OPCML: variants seen among roughly 807,000 people sequenced by gnomAD.
OPCML encodes the protein opioid binding protein/cell adhesion molecule like.
A neutral mutation model predicts 37.8 loss-of-function variants in OPCML; 13 were observed. The ratio of observed to expected loss-of-function variants is 0.34; its 90% CI spans 0.22 to 0.55. The LOEUF (loss-of-function observed/expected upper bound fraction) is 0.55. Ranked by LOEUF, OPCML falls within the 20% of genes least tolerant of loss-of-function variation. OPCML has a pLI of 0.91. For synonymous variants in OPCML, 176 were observed against 168.8 expected (o/e 1.04, Z -0.33); for missense variants, 341 against 435.6 (o/e 0.78, Z 1.93).
At chr11:132,643,967 C>T (rs573635358) in intron 3 of OPCML, among the ~76,000 whole-genome samples, 1 of 152,166 alleles carries the variant, frequency 6.6e-6, no homozygotes, top group African/African-American at 2.4e-5. Flanking sequence ...AAATGACAAA[C>T]ACTCCTCGTG....
intron 1 of OPCML, among the ~76,000 whole-genome samples, chr11:132,977,674 C>A (rs1023672822): frequency 1.3e-5 from 2 of 152,168 alleles, no homozygotes; most frequent in South Asian, 4.1e-4. Context: ...AGCTGGCAGA[C>A]AGAATTATAT....
At chr11:132,826,198 G>C (rs911191603) in intron 2 of OPCML, among the ~76,000 whole-genome samples, 1 of 152,140 alleles carries the variant, frequency 6.6e-6, no homozygotes, top group Non-Finnish European at 1.5e-5. Flanking sequence ...ATGCATGCTT[G>C]TCTGTCACAC....
At chr11:132,609,378 T>C (rs1404742456) in intron 3 of OPCML, among the ~76,000 whole-genome samples, 1 of 152,194 alleles carries the variant, frequency 6.6e-6, no homozygotes, top group African/African-American at 2.4e-5. Flanking sequence ...GGCCGTGTTC[T>C]TTCCACCAGG....
At chr11:133,125,933 A>ATG (rs1370274946) in intron 1 of OPCML, among the ~76,000 whole-genome samples, 2 of 149,310 alleles carry the variant, frequency 1.3e-5, no homozygotes, top group Admixed American at 6.7e-5. Context: ...GTATATACAC[A>ATG]TGTATATATA....
intron 3 of OPCML, among the ~76,000 whole-genome samples, chr11:132,567,165 C>T (rs1483364988): frequency 6.6e-6 from 1 of 152,138 alleles, no homozygotes; most frequent in Admixed American, 6.5e-5. Context: ...CTTGCCTCTA[C>T]TCCTCACTGA....
At chr11:132,693,868 G>A (rs1447597821) in intron 2 of OPCML, among the ~76,000 whole-genome samples, 1 of 152,114 alleles carries the variant, frequency 6.6e-6, no homozygotes, top group Non-Finnish European at 1.5e-5. Flanking sequence ...AGACACATCT[G>A]GACACGAGTC....
intron 1 of OPCML, among the ~76,000 whole-genome samples, chr11:133,013,698 T>A (rs1947264220): frequency 1.3e-5 from 2 of 152,208 alleles, no homozygotes; most frequent in South Asian, 4.1e-4. Flanking sequence ...CTGTATTACG[T>A]AGGACAGTAA....
chr11:133,409,841 C>A (rs752047410), intron 1 of OPCML, among the ~76,000 whole-genome samples: 5 of 152,110 alleles, frequency 3.3e-5, no homozygotes, highest in Non-Finnish European at 2.9e-5. Flanking sequence ...ATGGATCCTG[C>A]AGTCCAGTCG....
intron 1 of OPCML, among the ~76,000 whole-genome samples, chr11:132,949,947 G>A (rs1565362247): frequency 6.6e-6 from 1 of 152,198 alleles, no homozygotes; most frequent in Non-Finnish European, 1.5e-5. Flanking sequence ...GCCAGGGGAA[G>A]CCTCTCTGAA....
chr11:133,130,270 A>G (rs1949582496), intron 1 of OPCML, among the ~76,000 whole-genome samples: 1 of 152,270 alleles, frequency 6.6e-6, no homozygotes, highest in East Asian at 1.9e-4. Flanking sequence ...AAGAAAATAT[A>G]TGATAAAAGA....
rs771389470 is a variant in OPCML at position 132,529,623 on chromosome 11, C to T, written c.380-437G>A. Among the ~76,000 whole-genome samples, 10 of 152,214 alleles carry T rather than the reference C, an allele frequency of 6.6e-5. 1 individual carries two copies. The highest frequency in any genetic ancestry group is 9.6e-5 in the African/African-American group (4 of 41,458). ...AACATTGCACTCAAAATGCTGATAA[C>T]GCTGAGTTAGTTACTATTTTCTGAG... is the stretch of plus-strand genomic sequence containing the variant. On this transcript the variant is annotated intron_variant, in intron 3 of 7. Coordinates refer to ENST00000524381, the MANE Select transcript of OPCML (RefSeq NM_001012393.5).
chr11:133,267,135 G>A (rs1306401362), intron 1 of OPCML, among the ~76,000 whole-genome samples: 2 of 152,162 alleles, frequency 1.3e-5, no homozygotes, highest in Non-Finnish European at 2.9e-5. Flanking sequence ...CAATGTGTTG[G>A]AAAGAGTGTA....
intron 1 of OPCML, among the ~76,000 whole-genome samples, chr11:133,319,846 G>C (rs1362528781): frequency 6.6e-6 from 1 of 152,200 alleles, no homozygotes; most frequent in Non-Finnish European, 1.5e-5. Flanking sequence ...AAATGACCCT[G>C]TGGCTCCTGG....
chr11:132,998,184 C>T (rs1338617188), intron 1 of OPCML, among the ~76,000 whole-genome samples: 1 of 152,214 alleles, frequency 6.6e-6, no homozygotes, highest in Non-Finnish European at 1.5e-5. Flanking sequence ...CACGGTTCCA[C>T]TCATGAGGGA....
At chr11:132,989,577 G>A (rs1409825741) in intron 1 of OPCML, among the ~76,000 whole-genome samples, 1 of 150,700 alleles carries the variant, frequency 6.6e-6, no homozygotes, top group Non-Finnish European at 1.5e-5. Flanking sequence ...CGCTGGAGAT[G>A]CAGGTTGATG....
intron 2 of OPCML, among the ~76,000 whole-genome samples, chr11:132,797,945 T>C (rs1362457556): frequency 1.3e-5 from 2 of 152,196 alleles, no homozygotes; most frequent in African/African-American, 4.8e-5. Context: ...TGATTGACTC[T>C]TCCTTTCATA....
At chr11:133,370,619 C>T (rs1944653274) in intron 1 of OPCML, among the ~76,000 whole-genome samples, 1 of 151,864 alleles carries the variant, frequency 6.6e-6, no homozygotes, top group Non-Finnish European at 1.5e-5. Flanking sequence ...ATTTCATCCT[C>T]ATGGATCAGA....
At position 133,106,279 on chromosome 11, in the gene OPCML, A is replaced by G. The variant is rs78840227; in HGVS notation, c.62-163269T>C. Among the ~76,000 whole-genome samples the G allele has an allele frequency of 8.0e-3, 1,223 of 152,342 alleles. 9 individuals carry two copies. The highest frequency in any genetic ancestry group is 0.028 in the African/African-American group (1,178 of 41,580). Reference sequence around the variant, plus strand: ...TGCAGTTGCATATCATCATCAACGTATGCTCACGCTGTCCATTTGGGCCTG... The same window carrying G: ...TGCAGTTGCATATCATCATCAACGTGTGCTCACGCTGTCCATTTGGGCCTG... On this transcript the variant is annotated intron_variant, in intron 1 of 7. Transcript: ENST00000524381.
intron 1 of OPCML, among the ~76,000 whole-genome samples, chr11:133,229,671 A>G (rs957497994): frequency 1.3e-5 from 2 of 152,180 alleles, no homozygotes; most frequent in East Asian, 3.9e-4. Flanking sequence ...GAAAAAAAAG[A>G]TGTACATAGT....
Sources: allele counts gnomAD v4.1 joint callset (sites outside exome capture counted in the v4.1 genomes callset), GRCh38; gene constraint gnomAD v4.1.1; transcripts MANE v1.5; gene names NCBI Gene and HGNC (gene_info 2026-07-23, HGNC 2026-07-21).